VDAC1: variants seen among roughly 807,000 people sequenced by gnomAD.
The protein encoded by VDAC1 is voltage dependent anion channel 1.
VDAC1 carries 10 observed loss-of-function variants against 34.7 expected under a neutral mutation model. That is an observed-to-expected ratio of 0.29 (90% CI 0.18 to 0.49). VDAC1 has a LOEUF of 0.49. Ranked by LOEUF, VDAC1 falls within the 20% of genes least tolerant of loss-of-function variation. The pLI is 0.99. For missense variants in VDAC1, 230 were observed against 347.9 expected (o/e 0.66, Z 2.69); for synonymous variants, 130 against 136.0 (o/e 0.96, Z 0.30).
At chr5:133,994,733 C>T (rs985330176) in intron 1 of VDAC1, among the ~76,000 whole-genome samples, 11 of 152,146 alleles carry the variant, frequency 7.2e-5, no homozygotes, top group Admixed American at 1.3e-4. Flanking sequence ...ATAACAGTAA[C>T]GGGCCCAGAA....
the VDAC1 span, among the ~76,000 whole-genome samples, chr5:134,034,536 T>C: frequency 6.6e-6 from 1 of 152,078 alleles, no homozygotes; most frequent in Non-Finnish European, 1.5e-5. Flanking sequence ...CGCCGGACGC[T>C]AGGAAGAGGC....
the VDAC1 span, among the ~76,000 whole-genome samples, chr5:134,039,209 G>A: frequency 6.6e-6 from 1 of 152,156 alleles, no homozygotes; most frequent in Non-Finnish European, 1.5e-5. Flanking sequence ...ACAGTGATTC[G>A]CAACCCTGGC....
chr5:134,034,721 G>C, the VDAC1 span, among the ~76,000 whole-genome samples: 2 of 152,140 alleles, frequency 1.3e-5, no homozygotes, highest in African/African-American at 4.8e-5. Flanking sequence ...TGCATGCTGG[G>C]ACCGAGCTGG....
At chr5:134,056,096 C>A in the VDAC1 span, among the ~76,000 whole-genome samples, 1 of 151,946 alleles carries the variant, frequency 6.6e-6, no homozygotes, top group African/African-American at 2.4e-5. Flanking sequence ...CAAAAAGTAG[C>A]TGGACGTGGT....
the VDAC1 span, among the ~76,000 whole-genome samples, chr5:134,102,201 G>T: frequency 2.5e-4 from 38 of 152,260 alleles, no homozygotes; most frequent in Non-Finnish European, 4.3e-4. Context: ...CCGCTCTGGG[G>T]GGACTCTGGG....
chr5:133,975,953 T>C lies in VDAC1; in HGVS notation c.620A>G (p.Asn207Ser), dbSNP rs760394678. ...KVNKKLETAV[N>S]LAWTAGNSNT... ...ACTGTTTCCTGCTGTCCAGGCAAGA[T>C]TGACAGCGGTCTCCAACTTCTTGTT... Residue 207 changes from asparagine (N) to serine (S), a missense_variant, in exon 7 of 9, where the codon AAT becomes AGT. Physicochemically the swap from Asn to Ser is conservative, Grantham distance 46. Coordinates refer to ENST00000265333, the MANE Select transcript of VDAC1 (RefSeq NM_003374.3). The C allele has an allele frequency of 6.3e-5, 102 of 1,613,594 alleles. No homozygotes were observed. The highest frequency in any genetic ancestry group is 8.3e-5 in the Non-Finnish European group (98 of 1,179,990).
the VDAC1 span, among the ~76,000 whole-genome samples, chr5:134,022,507 A>C: frequency 2.0e-5 from 3 of 152,162 alleles, no homozygotes; most frequent in African/African-American, 7.2e-5. Flanking sequence ...CATTTCCCAA[A>C]ATAACAAGAT....
the VDAC1 span, among the ~76,000 whole-genome samples, chr5:134,094,695 CAAAAAAA>C: frequency 1.5e-5 from 1 of 68,504 alleles, no homozygotes; most frequent in Non-Finnish European, 2.6e-5. Flanking sequence ...GACTCCGTCT[CAAAAAAA>C]AAAAAAAAAA....
the VDAC1 span, among the ~76,000 whole-genome samples, chr5:134,055,588 G>GTT: frequency 0.057 from 3,383 of 59,452 alleles, 554 homozygotes; most frequent in African/African-American, 0.13. Flanking sequence ...CCCCGCTAAT[G>GTT]TTTTTTTTTT....
intron 8 of VDAC1, among the ~76,000 whole-genome samples, chr5:133,973,503 A>G (rs2291633): frequency 0.051 from 7,723 of 152,326 alleles, 221 homozygotes; most frequent in East Asian, 0.13. Flanking sequence ...TCTGCCAGAA[A>G]TAAGTATCAA....
At chr5:134,096,281 C>T in the VDAC1 span, among the ~76,000 whole-genome samples, 3 of 152,266 alleles carry the variant, frequency 2.0e-5, no homozygotes, top group African/African-American at 7.2e-5. Flanking sequence ...TTGCGCTCCT[C>T]TCTCCAGTGC....
At chr5:134,055,615 T>TGTTTTTTG in the VDAC1 span, among the ~76,000 whole-genome samples, 2 of 102,698 alleles carry the variant, frequency 1.9e-5, no homozygotes, top group African/African-American at 3.2e-5. Flanking sequence ...TTTTTTTTTT[T>TGTTTTTTG]TTTTAGTAGA....
At chr5:134,081,767 T>A in the VDAC1 span, 1 of 152,392 alleles carries the variant, frequency 6.6e-6, no homozygotes, top group African/African-American at 2.4e-5. Flanking sequence ...TTTTGCTTCC[T>A]CTAAGGCAAA....
chr5:134,021,869 G>A, the VDAC1 span, among the ~76,000 whole-genome samples: 2 of 145,778 alleles, frequency 1.4e-5, no homozygotes, highest in East Asian at 4.0e-4. Context: ...CTCAGAGAAA[G>A]CCTGTGATTT....
At chr5:134,104,554 G>A in the VDAC1 span, among the ~76,000 whole-genome samples, 2 of 152,208 alleles carry the variant, frequency 1.3e-5, no homozygotes, top group Admixed American at 6.5e-5. Context: ...GGCCTGCTGG[G>A]GGTAGGGAGA....
the VDAC1 span, among the ~76,000 whole-genome samples, chr5:134,039,580 T>C: frequency 9.4e-3 from 1,428 of 152,166 alleles, 18 homozygotes; most frequent in African/African-American, 0.03. Context: ...CCGCCCGCCT[T>C]GGCCTCCCAA....
At chr5:133,993,068 A>G in intron 1 of VDAC1, 50 bp from the exon 2 acceptor site, 1 of 1,538,248 alleles carries the variant, frequency 6.5e-7, no homozygotes. Context: ...TAGGGAAATT[A>G]GCTTTCCATC....
chr5:134,086,500 CAG>C, the VDAC1 span, among the ~76,000 whole-genome samples: 1 of 152,334 alleles, frequency 6.6e-6, no homozygotes, highest in Non-Finnish European at 1.5e-5. Flanking sequence ...ATCAGCTTCG[CAG>C]AGTCTTTTTA....
At chr5:134,031,684 G>A in the VDAC1 span, among the ~76,000 whole-genome samples, 13 of 152,190 alleles carry the variant, frequency 8.5e-5, no homozygotes, top group Middle Eastern at 3.4e-3. Flanking sequence ...AGGCGCAGTG[G>A]CTCATGCCAT....
Sources: allele counts gnomAD v4.1 joint callset (sites outside exome capture counted in the v4.1 genomes callset), GRCh38; gene constraint gnomAD v4.1.1; transcripts MANE v1.5; gene names NCBI Gene and HGNC (gene_info 2026-07-23, HGNC 2026-07-21).